The following PIAS3 variants were observed in gnomAD, a reference collection of about 807,000 sequenced individuals.
The protein encoded by PIAS3 is protein inhibitor of activated STAT 3.
PIAS3 carries 34 observed loss-of-function variants against 67.6 expected under a neutral mutation model. The observed-to-expected ratio is 0.50, with a 90% confidence interval of 0.38 to 0.67. PIAS3 has a LOEUF of 0.67. Ranked by LOEUF, PIAS3 falls within the 30% of genes least tolerant of loss-of-function variation. The pLI, the probability that PIAS3 is intolerant of heterozygous loss-of-function variation, is 0.00. For missense variants in PIAS3, 693 were observed against 791.6 expected (o/e 0.88, Z 1.49); for synonymous variants, 341 against 313.8 (o/e 1.09, Z -0.92).
chr1:145,854,217 G>C (rs1463017716), intron 7 of PIAS3: 1 of 598,330 alleles, frequency 1.7e-6, no homozygotes. Context: ...AGCAGGGCTG[G>C]AGTTAGGGAC....
In PIAS3 at chr1:145,849,683, T is replaced by C. The variant is rs1420814489; in HGVS notation, c.1650A>G (p.Leu550=). The part of the protein sequence containing the change: ...QHYGPSVITS[L]DEQDALGHFF... ...AGTGGCCAAGGGCATCCTGTTCATC[T>C]AGTGAGGTGATGACAGAGGGGCCAT... The change falls in exon 14 of 14, where the codon CTA becomes CTG. Residue 550 remains leucine, a synonymous_variant. Coordinates refer to ENST00000393045, the MANE Select transcript of PIAS3 (RefSeq NM_006099.3). The C allele has an allele frequency of 1.2e-6, 2 of 1,610,232 alleles. No individual in the cohort carries two copies. Among genetic ancestry groups the C allele is most frequent in the African/African-American group, 1.3e-5 (1 of 74,846 alleles).
In PIAS3 at chr1:145,859,043, G is replaced by A. The variant is rs1016562796; in HGVS notation, c.-53C>T. On this transcript the variant is annotated 5_prime_UTR_variant, in exon 1 of 14. Coordinates refer to ENST00000393045, the MANE Select transcript of PIAS3 (RefSeq NM_006099.3). Reference sequence around the variant, plus strand: ...GAGCCGGAGCTCAGGCCCAGGGACCGGCGCACAACTCTCCACCCTGGCGCC... The same window carrying A: ...GAGCCGGAGCTCAGGCCCAGGGACCAGCGCACAACTCTCCACCCTGGCGCC... The A allele has an allele frequency of 2.6e-6, 4 of 1,524,388 alleles. No individual in the cohort carries two copies. The highest frequency in any genetic ancestry group is 3.5e-6 in the Non-Finnish European group (4 of 1,133,608). 94.4% of individuals were successfully genotyped at this position (1,524,388 alleles called of 1,614,324 possible).
chr1:145,850,794 G>T lies in PIAS3; in HGVS notation c.1425C>A (p.Ile475=). ...ACCCTTTGCTTCCAGGTAGGGCCGG[G>T]ATGGCAGCTGAGGTGACAGAACAGT... is the stretch of plus-strand genomic sequence containing the variant. ...KKHCSVTSAA[I]PALPGSKGVL... Residue 475 remains isoleucine, a synonymous_variant, in exon 11 of 14, where the codon ATC becomes ATA. Coordinates refer to ENST00000393045, the MANE Select transcript of PIAS3 (RefSeq NM_006099.3). The T allele has an allele frequency of 6.2e-7, 1 of 1,614,224 alleles. No homozygotes were observed. The highest frequency in any genetic ancestry group is 1.7e-5 in the Admixed American group (1 of 60,026).
Position 145,854,573 on chromosome 1 carries a change from G to T in PIAS3, c.805-10C>A. ...CAGACAAGGAGTAATTCTACTTGGAGGCAGGGGGTAGACAATTAGCCTCTG... is the reference window on the plus strand; with the variant it reads ...CAGACAAGGAGTAATTCTACTTGGATGCAGGGGGTAGACAATTAGCCTCTG... On this transcript the variant is annotated splice_polypyrimidine_tract_variant and intron_variant, in intron 6 of 13. Transcript: ENST00000393045. 6.2e-7 allele frequency: 1 copy of T among 1,601,854 alleles called. No homozygotes were observed. The highest frequency in any genetic ancestry group is 8.6e-7 in the Non-Finnish European group (1 of 1,168,814).
intron 2 of PIAS3, 37 bp from the exon 3 acceptor site, chr1:145,856,468 C>T: frequency 6.2e-7 from 1 of 1,602,590 alleles, no homozygotes; most frequent in Non-Finnish European, 8.6e-7. Context: ...CAAGCCCATG[C>T]ACAGGCAGCC....
At chr1:145,858,794 G>T (rs1212806214) in intron 1 of PIAS3, among the ~76,000 whole-genome samples, 173 bp downstream of exon 1, 2 of 148,948 alleles carry the variant, frequency 1.3e-5, no homozygotes, top group Non-Finnish European at 3.0e-5. Context: ...CGCCCCCGGA[G>T]CCCCGCCGCA....
At chr1:145,858,860 A>C in intron 1 of PIAS3, 107 bp downstream of exon 1, 1 of 958,648 alleles carries the variant, frequency 1.0e-6, no homozygotes, top group Non-Finnish European at 1.4e-6. Flanking sequence ...CGTGCCTGCC[A>C]CGTCGTCGGC....
At chr1:145,854,294 A>T in intron 7 of PIAS3, 164 bp downstream of exon 7, 1 of 619,708 alleles carries the variant, frequency 1.6e-6, no homozygotes, top group African/African-American at 1.8e-5. Context: ...AACTTCAACT[A>T]TAAAGACTGG....
Position 145,853,851 on chromosome 1 carries a change from CCTCA to C in PIAS3, c.942_945del (p.Ser314ArgfsTer15). 6.2e-7 allele frequency: 1 copy of C among 1,614,124 alleles called. No homozygotes were observed. The highest frequency in any genetic ancestry group is 8.5e-7 in the Non-Finnish European group (1 of 1,180,016). On this transcript the variant is annotated frameshift_variant, in exon 8 of 14. Transcript: ENST00000393045. LOFTEE classifies it high-confidence loss of function. ...GACACCCGGAGACTTGTAGTGGCCA[CCTCA>C]CTGTCAGGGTCAGCAGTCAATTTCT...
chr1:145,855,932 C>G lies in PIAS3; in HGVS notation c.579-106G>C. 4 of 1,044,900 alleles carry G rather than the reference C, an allele frequency of 3.8e-6. No homozygotes were observed. In the South Asian group the frequency reaches 5.0e-5, roughly 13 times the overall value. 64.7% of individuals were successfully genotyped at this position (1,044,900 alleles called of 1,614,324 possible). A position where few individuals can be genotyped will look rare whatever the true frequency, so the allele number is the denominator to read the frequency against. Reference sequence around the variant, plus strand: ...AAATCAGTCATAGATGCCTGAAGCCCTCAGCATCCAACAAGAGTCGCAGGG... The same window carrying G: ...AAATCAGTCATAGATGCCTGAAGCCGTCAGCATCCAACAAGAGTCGCAGGG... On this transcript the variant is annotated intron_variant, in intron 4 of 13. Transcript: ENST00000393045.
intron 9 of PIAS3, 39 bp from the exon 10 acceptor site, chr1:145,851,192 G>C (rs370289706): frequency 6.2e-7 from 1 of 1,609,112 alleles, no homozygotes; most frequent in Non-Finnish European, 8.5e-7. Flanking sequence ...GGGGCTGGGA[G>C]ATGAGCAGAA....
At chr1:145,855,028 C>T (rs1653110754) in intron 5 of PIAS3, 148 bp from the exon 6 acceptor site, 2 of 869,904 alleles carry the variant, frequency 2.3e-6, no homozygotes, top group African/African-American at 3.4e-5. Context: ...GAGGCCCATT[C>T]AGTGGCTCAC....
At chr1:145,850,628 T>C (rs1553734050) in intron 11 of PIAS3, 42 bp from the exon 12 acceptor site, 1 of 1,607,938 alleles carries the variant, frequency 6.2e-7, no homozygotes, top group East Asian at 2.2e-5. Flanking sequence ...AAACCACAGA[T>C]GCCCTCACCC....
In PIAS3 at chr1:145,850,690, A is replaced by C. The variant is rs146565268; in HGVS notation, c.1448+81T>G. 1.0e-3 allele frequency: 1,594 copies of C among 1,596,466 alleles called. 28 individuals are homozygous for C. In the East Asian group the frequency reaches 0.021, roughly 21 times the overall value. ...GTCCCCTCCACATTTCTCTTGCCCC[A>C]GGCTTTGTCCAATGATCAGAAAGCA... On this transcript the variant is annotated intron_variant, in intron 11 of 13. Transcript: ENST00000393045.
Position 145,850,548 on chromosome 1 carries a change from C to T in PIAS3, c.1487G>A (p.Arg496Lys), listed in dbSNP as rs781984474. The T allele has an allele frequency of 6.2e-7, 1 of 1,614,216 alleles. No homozygotes were observed. Among genetic ancestry groups the T allele is most frequent in the Non-Finnish European group, 8.5e-7 (1 of 1,180,038 alleles). Reference sequence around the variant, plus strand: ...ACCCAACGTGCCCATAGCAGGGCTCCTTAGCACCGAGGATGGCTGGTGGCC... The same window carrying T: ...ACCCAACGTGCCCATAGCAGGGCTCTTTAGCACCGAGGATGGCTGGTGGCC... ...TSGHQPSSVL[R>K]SPAMGTLGGD... Residue 496 changes from arginine to lysine, a missense_variant, in exon 12 of 14, where the codon AGG becomes AAG. By Grantham distance (26) the Arg-to-Lys change is conservative. Coordinates refer to ENST00000393045, the MANE Select transcript of PIAS3 (RefSeq NM_006099.3).
In PIAS3 at chr1:145,849,602, C is replaced by T. The variant is rs782393781; in HGVS notation, c.1731G>A (p.Leu577=). Residue 577 remains leucine (L), a synonymous_variant, in exon 14 of 14, where the codon CTG becomes CTA. Transcript: ENST00000393045. ...SHFLGPLAPT[L]GSSHCSATPA... ...GAGTGGCGCTGCAGTGGGAGCTCCC[C>T]AGCGTGGGGGCCAGTGGGCCCAGAA... The T allele has an allele frequency of 1.2e-6, 2 of 1,613,324 alleles. No homozygotes were observed. The highest frequency in any genetic ancestry group is 1.1e-5 in the South Asian group (1 of 90,902).
chr1:145,851,954 C>A, intron 9 of PIAS3, among the ~76,000 whole-genome samples: 1 of 142,730 alleles, frequency 7.0e-6, no homozygotes, highest in Non-Finnish European at 1.5e-5. Context: ...AGTGAAACAC[C>A]GTCTCAAAAA....
chr1:145,854,725 AC>A lies in PIAS3; in HGVS notation c.804+20del, dbSNP rs782555737. ...TCACCCTCAGCAGGCTTTTCCAGGCACCTGCTTTAGCTGTGCTCACCCGTCC... is the reference window on the plus strand; with the variant it reads ...TCACCCTCAGCAGGCTTTTCCAGGCACTGCTTTAGCTGTGCTCACCCGTCC... On this transcript the variant is annotated intron_variant, in intron 6 of 13. Coordinates refer to ENST00000393045, the MANE Select transcript of PIAS3 (RefSeq NM_006099.3). The A allele has an allele frequency of 5.6e-6, 9 of 1,614,082 alleles. No homozygotes were observed. Among genetic ancestry groups the A allele is most frequent in the Non-Finnish European group, 7.6e-6 (9 of 1,179,968 alleles).
chr1:145,858,437 G>T (rs1220733557), intron 1 of PIAS3, among the ~76,000 whole-genome samples: 2 of 149,668 alleles, frequency 1.3e-5, no homozygotes, highest in South Asian at 4.2e-4. Context: ...TCGAGGTATC[G>T]GCCCGCACAG....
Sources: allele counts gnomAD v4.1 joint callset (sites outside exome capture counted in the v4.1 genomes callset), GRCh38; gene constraint gnomAD v4.1.1; transcripts MANE v1.5; gene names NCBI Gene and HGNC (gene_info 2026-07-23, HGNC 2026-07-21).